The following TRAP1 variants were observed in gnomAD, a reference collection of about 807,000 sequenced individuals.
The protein encoded by TRAP1 is heat shock protein 75 kDa, mitochondrial.
A neutral mutation model predicts 89.1 loss-of-function variants in TRAP1; 102 were observed. The ratio of observed to expected loss-of-function variants is 1.15; its 90% CI spans 0.98 to 1.35. The LOEUF (loss-of-function observed/expected upper bound fraction) is 1.35. TRAP1 is among the 40% of genes most tolerant of loss of function. The probability of loss-of-function intolerance (pLI) is 0.00; values close to 1 mark genes in which losing one functional copy is unlikely to be tolerated. For missense variants in TRAP1, 1,256 were observed against 945.3 expected, an observed-to-expected ratio of 1.33 and a Z score of -4.31; for synonymous variants, 508 against 388.0, an observed-to-expected ratio of 1.31 and a Z score of -3.64.
intron 1 of TRAP1, among the ~76,000 whole-genome samples, chr16:3,715,421 G>A (rs542305950): frequency 6.6e-6 from 1 of 151,974 alleles, no homozygotes; most frequent in Non-Finnish European, 1.5e-5. Context: ...CTGGGTGACA[G>A]AGCAAGACTC....
At chr16:3,664,514 C>T in intron 12 of TRAP1, 55 bp from the exon 13 acceptor site, 1 of 1,542,108 alleles carries the variant, frequency 6.5e-7, no homozygotes, top group South Asian at 1.2e-5. Context: ...CTCAATGTTG[C>T]CCAACTAACT....
chr16:3,672,276 G>A (rs748729655), intron 10 of TRAP1, among the ~76,000 whole-genome samples: 43 of 152,206 alleles, frequency 2.8e-4, no homozygotes, highest in Admixed American at 1.0e-3. Context: ...AGTGAGCCAC[G>A]ATTGCACCAC....
intron 15 of TRAP1, 44 bp downstream of exon 15, chr16:3,662,838 G>A (rs765892266): frequency 4.4e-6 from 7 of 1,594,588 alleles, no homozygotes; most frequent in South Asian, 2.2e-5. Context: ...AGCCTGTTAG[G>A]GACACTGCGG....
chr16:3,715,621 C>G (rs767717057), intron 1 of TRAP1, among the ~76,000 whole-genome samples: 2 of 151,968 alleles, frequency 1.3e-5, no homozygotes, highest in Non-Finnish European at 1.5e-5. Flanking sequence ...GGAAAAAACC[C>G]GAGTCAGCTA....
At chr16:3,700,526 G>A (rs2051351390) in intron 1 of TRAP1, among the ~76,000 whole-genome samples, 1 of 151,898 alleles carries the variant, frequency 6.6e-6, no homozygotes, top group Non-Finnish European at 1.5e-5. Context: ...GAGTGCACTG[G>A]CACAATCTCG....
chr16:3,668,166 C>T (rs931765635), intron 11 of TRAP1, among the ~76,000 whole-genome samples: 4 of 152,042 alleles, frequency 2.6e-5, no homozygotes, highest in Non-Finnish European at 5.9e-5. Context: ...TCGTGATCCA[C>T]CCGCCTCGGC....
Position 3,658,861 on chromosome 16 carries a change from C to A in TRAP1, c.1945G>T (p.Ala649Ser). 6 of 1,614,066 alleles carry A rather than the reference C, an allele frequency of 3.7e-6. No individual in the cohort carries two copies. The highest frequency in any genetic ancestry group is 3.4e-6 in the Non-Finnish European group (4 of 1,180,004). ...QPTLEINPRH[A>S]LIKKLNQLRA... ...AGCTGATTCAGCTTCTTGATGAGCGCGTGCCTGCAACACAGAACCCACCAG... is the reference window on the plus strand; with the variant it reads ...AGCTGATTCAGCTTCTTGATGAGCGAGTGCCTGCAACACAGAACCCACCAG... Residue 649 changes from alanine (A) to serine (S), a missense_variant, in exon 17 of 18, where the codon GCG becomes TCG. Physicochemically the swap from Ala to Ser is moderately conservative, Grantham distance 99. Coordinates refer to ENST00000246957, the MANE Select transcript of TRAP1 (RefSeq NM_016292.3).
At chr16:3,712,134 C>G (rs1193368683) in intron 1 of TRAP1, among the ~76,000 whole-genome samples, 4 of 151,596 alleles carry the variant, frequency 2.6e-5, no homozygotes. Context: ...ACTAAAAATA[C>G]AAAAATTGGC....
intron 9 of TRAP1, 79 bp from the exon 10 acceptor site, chr16:3,672,899 C>A (rs977636856): frequency 6.6e-7 from 1 of 1,520,338 alleles, no homozygotes; most frequent in Non-Finnish European, 8.8e-7. Context: ...GGGGCGGACA[C>A]GATGAATCCA....
chr16:3,701,558 A>AAAC (rs1401272995), intron 1 of TRAP1, among the ~76,000 whole-genome samples: 6 of 148,818 alleles, frequency 4.0e-5, no homozygotes, highest in African/African-American at 1.6e-4. Context: ...CCCAAAAAAA[A>AAAC]AAAAAAAAAA....
chr16:3,693,903 A>G (rs2051250746), intron 1 of TRAP1, among the ~76,000 whole-genome samples: 3 of 151,858 alleles, frequency 2.0e-5, no homozygotes, highest in Admixed American at 2.0e-4. Context: ...TGAGGTGGGA[A>G]GATCACTTGA....
At chr16:3,662,198 A>G in intron 15 of TRAP1, 66 bp from the exon 16 acceptor site, 1 of 1,560,118 alleles carries the variant, frequency 6.4e-7, no homozygotes, top group Non-Finnish European at 8.7e-7. Flanking sequence ...GCAGGATCTT[A>G]CCAGGGGTGA....
rs202237111 is a variant in TRAP1 at position 3,692,595 on chromosome 16, C to CT, written c.89-1611dup. Among the ~76,000 whole-genome samples the CT allele has an allele frequency of 7.3e-3, 771 of 105,144 alleles. 19 individuals carry two copies. Among genetic ancestry groups the CT allele is most frequent in the Non-Finnish European group, 9.6e-3 (524 of 54,538 alleles). 69.0% of individuals were successfully genotyped at this position (105,144 alleles called of 152,430 possible). A position where few individuals can be genotyped will look rare whatever the true frequency, so the allele number is the denominator to read the frequency against. ...ACTCCTAAAAGGTACAAAAACTTGC[C>CT]TTTTTTTTTTTTTTTTTTTTGAGAT... On this transcript the variant is annotated intron_variant, in intron 1 of 17. Transcript: ENST00000246957.
At chr16:3,670,481 G>A (rs982656040) in intron 11 of TRAP1, among the ~76,000 whole-genome samples, 3 of 150,308 alleles carry the variant, frequency 2.0e-5, no homozygotes, top group African/African-American at 7.4e-5. Context: ...CCAAAGGATC[G>A]CTTGAGCCCA....
chr16:3,690,309 A>T (rs1254896531), intron 2 of TRAP1, among the ~76,000 whole-genome samples: 1 of 152,176 alleles, frequency 6.6e-6, no homozygotes, highest in Non-Finnish European at 1.5e-5. Flanking sequence ...CCTGGACTAT[A>T]TTCTTCAAAA....
At chr16:3,671,643 G>A in intron 11 of TRAP1, 79 bp downstream of exon 11, 1 of 1,503,540 alleles carries the variant, frequency 6.7e-7, no homozygotes, top group Non-Finnish European at 9.1e-7. Context: ...ATGGGCCACG[G>A]CTAGGGCCCT....
chr16:3,706,598 C>T (rs755301427), intron 1 of TRAP1, among the ~76,000 whole-genome samples: 6 of 151,308 alleles, frequency 4.0e-5, no homozygotes, highest in Non-Finnish European at 5.9e-5. Context: ...TGGCTGGGAC[C>T]ACAGGCATGT....
intron 1 of TRAP1, 46 bp from the exon 2 acceptor site, chr16:3,691,031 A>C (rs993649971): frequency 2.1e-6 from 3 of 1,413,070 alleles, no homozygotes; most frequent in Admixed American, 2.6e-5. Context: ...GGAAGACACG[A>C]GAAACAATAT....
intron 4 of TRAP1, among the ~76,000 whole-genome samples, chr16:3,684,381 A>G (rs1032831686): frequency 2.6e-5 from 4 of 152,198 alleles, no homozygotes; most frequent in African/African-American, 9.7e-5. Context: ...ACAAAAAGCA[A>G]TGTAGCTGAG....
Sources: allele counts gnomAD v4.1 joint callset (sites outside exome capture counted in the v4.1 genomes callset), GRCh38; gene constraint gnomAD v4.1.1; transcripts MANE v1.5; gene names NCBI Gene and HGNC (gene_info 2026-07-23, HGNC 2026-07-21).